SLC12A2: variants seen among roughly 807,000 people sequenced by gnomAD.
The protein encoded by SLC12A2 is Na-K-2Cl cotransporter 1.
SLC12A2 carries 67 observed loss-of-function variants against 136.3 expected under a neutral mutation model. The observed-to-expected ratio is 0.49, with a 90% CI of 0.40 to 0.60. The LOEUF (loss-of-function observed/expected upper bound fraction) is 0.60. Among genes scored for constraint, SLC12A2 ranks in the 20% least tolerant of loss-of-function variants. The pLI is 0.00. For synonymous variants in SLC12A2, 619 were observed against 562.9 expected (o/e 1.10, Z -1.41); for missense variants, 1,322 against 1,534.7 (o/e 0.86, Z 2.32).
At chr5:128,175,675 G>A (rs1247776934) in intron 20 of SLC12A2, among the ~76,000 whole-genome samples, 1 of 151,788 alleles carries the variant, frequency 6.6e-6, no homozygotes, top group African/African-American at 2.4e-5. Context: ...ATTAATATAT[G>A]TTACGATCTT....
intron 1 of SLC12A2, among the ~76,000 whole-genome samples, chr5:128,096,845 G>T (rs1325442620): frequency 6.6e-6 from 1 of 151,964 alleles, no homozygotes; most frequent in Non-Finnish European, 1.5e-5. Context: ...CATAATAAAC[G>T]GCTTTGTGGT....
intron 1 of SLC12A2, among the ~76,000 whole-genome samples, chr5:128,103,598 A>G (rs1322620615): frequency 1.3e-5 from 2 of 152,236 alleles, no homozygotes; most frequent in Admixed American, 6.5e-5. Context: ...ATAATTACAG[A>G]GTATGATATG....
At chr5:128,156,078 T>A (rs1427300172) in intron 15 of SLC12A2, among the ~76,000 whole-genome samples, 4 of 152,114 alleles carry the variant, frequency 2.6e-5, no homozygotes, top group Non-Finnish European at 5.9e-5. Flanking sequence ...TGGCAATGAT[T>A]TAGTGATGGA....
chr5:128,140,736 T>C (rs924082053), intron 9 of SLC12A2, among the ~76,000 whole-genome samples: 1 of 151,858 alleles, frequency 6.6e-6, no homozygotes, highest in Non-Finnish European at 1.5e-5. Flanking sequence ...ACTATCAGAA[T>C]ACAAAGCACA....
At chr5:128,113,960 C>A (rs1761251107) in intron 2 of SLC12A2, among the ~76,000 whole-genome samples, 1 of 152,158 alleles carries the variant, frequency 6.6e-6, no homozygotes, top group African/African-American at 2.4e-5. Flanking sequence ...CTGCTTCACA[C>A]AATTGTGATG....
chr5:128,120,220 A>G (rs1171112036), intron 4 of SLC12A2, among the ~76,000 whole-genome samples: 3 of 151,636 alleles, frequency 2.0e-5, no homozygotes, highest in Non-Finnish European at 4.4e-5. Context: ...CAGGTGCTGG[A>G]GAGGATGTGG....
At chr5:128,127,040 TTATCGTTTCTGTCGAATTTTACTTGCTA>T (rs1761837979) in intron 4 of SLC12A2, among the ~76,000 whole-genome samples, 1 of 137,768 alleles carries the variant, frequency 7.3e-6, no homozygotes, top group Admixed American at 7.7e-5. Flanking sequence ...GTCAGAGATA[TTATCGTTTCTGTCGAATTTTACTTGCTA>T]ATAGTTTAAC....
chr5:128,169,409 A>G (rs1209460531), intron 18 of SLC12A2: 3 of 152,174 alleles, frequency 2.0e-5, no homozygotes, highest in African/African-American at 7.2e-5. Context: ...TGGTTTTATT[A>G]GTGACATTTG....
At chr5:128,181,925 T>C (rs1333131547) in intron 23 of SLC12A2, among the ~76,000 whole-genome samples, 5 of 151,790 alleles carry the variant, frequency 3.3e-5, no homozygotes, top group African/African-American at 7.3e-5. Flanking sequence ...GCCTTTCCTA[T>C]TTTCCCCCCA....
chr5:128,085,925 A>G (rs1358176558), intron 1 of SLC12A2, among the ~76,000 whole-genome samples: 6 of 152,150 alleles, frequency 3.9e-5, no homozygotes. Context: ...CCATTGTGGT[A>G]TTTTGTCATA....
In SLC12A2 at chr5:128,189,369, G is replaced by A. The variant is rs1763973896; in HGVS notation, c.*2738G>A. On this transcript the variant is annotated 3_prime_UTR_variant, in exon 27 of 27. Coordinates refer to ENST00000262461, the MANE Select transcript of SLC12A2 (RefSeq NM_001046.3). ...AGTTTAGAGAGAATGGTGGTGTTGA[G>A]CTGATTATTAACAGTTACTGAAATC... 1 of 152,086 alleles carries A rather than the reference G, an allele frequency of 6.6e-6. No individual in the cohort carries two copies. Among genetic ancestry groups the A allele is most frequent in the Admixed American group, 6.5e-5 (1 of 15,274 alleles). The allele number at this position is 152,086 out of a possible 1,614,324, so 9.4% of individuals were successfully genotyped here. A position where few individuals can be genotyped will look rare whatever the true frequency, so the allele number is the denominator to read the frequency against.
intron 9 of SLC12A2, among the ~76,000 whole-genome samples, chr5:128,139,791 T>C (rs1762301969): frequency 6.6e-6 from 1 of 152,206 alleles, no homozygotes; most frequent in Non-Finnish European, 1.5e-5. Flanking sequence ...TCCAAGCCCA[T>C]AGGCTACACA....
intron 7 of SLC12A2, among the ~76,000 whole-genome samples, chr5:128,136,318 G>A (rs998127943): frequency 4.6e-5 from 7 of 152,102 alleles, no homozygotes; most frequent in Non-Finnish European, 7.4e-5. Flanking sequence ...TAAGTGAACC[G>A]TGTCTCCTTC....
chr5:128,157,867 C>T, intron 15 of SLC12A2, 186 bp from the exon 16 acceptor site: 1 of 512,572 alleles, frequency 2.0e-6, no homozygotes, highest in South Asian at 3.3e-5. Context: ...ATGTTTGTTC[C>T]AAGATTTTGT....
rs1055755542 is a variant in SLC12A2, at chr5:128,083,978, C to T, written c.24C>T (p.Pro8=). The T allele has an allele frequency of 1.6e-6, 2 of 1,242,040 alleles. No individual in the cohort carries two copies. Among genetic ancestry groups the T allele is most frequent in the Non-Finnish European group, 2.0e-6 (2 of 993,408 alleles). The allele number at this position is 1,242,040 out of a possible 1,614,324, so 76.9% of individuals were successfully genotyped here. A position where few individuals can be genotyped will look rare whatever the true frequency, so the allele number is the denominator to read the frequency against. Residue 8 remains proline, a synonymous_variant, in exon 1 of 27, where the codon CCC becomes CCT. Transcript: ENST00000262461. MEPRPTA[P]SSGAPGLAGV... ...CTATGGAGCCGCGGCCCACGGCGCC[C>T]TCCTCCGGCGCCCCGGGACTGGCCG...
intron 19 of SLC12A2, among the ~76,000 whole-genome samples, chr5:128,172,717 C>G (rs978502718): frequency 6.6e-6 from 1 of 152,078 alleles, no homozygotes; most frequent in Non-Finnish European, 1.5e-5. Flanking sequence ...TCCCAGCATG[C>G]TGGGAGGCTG....
rs565322518 is a variant in SLC12A2 at position 128,130,514 on chromosome 5, CAA to C, written c.1049-533_1049-532del. 9.6e-4 allele frequency among the ~76,000 whole-genome samples: 78 copies of C among 81,460 alleles called. 1 individual carries two copies. Among genetic ancestry groups the C allele is most frequent in the Middle Eastern group, 6.9e-3 (1 of 144 alleles). The allele number at this position is 81,460 out of a possible 152,430, so 53.4% of individuals were successfully genotyped here. Reference sequence around the variant, plus strand: ...TGGGTGACAGAGCAAGACTCTGTCTCAAAAAAAAAAAAAAAAAAAAAGTCCGG... The same window carrying C: ...TGGGTGACAGAGCAAGACTCTGTCTCAAAAAAAAAAAAAAAAAAAGTCCGG... On this transcript the variant is annotated intron_variant, in intron 4 of 26. Transcript: ENST00000262461.
intron 1 of SLC12A2, among the ~76,000 whole-genome samples, chr5:128,088,005 C>CTGTGTGTGTGTGTG (rs1561648714): frequency 9.1e-5 from 4 of 44,138 alleles, no homozygotes; most frequent in African/African-American, 1.7e-4. Context: ...GTGGAGGAGG[C>CTGTGTGTGTGTGTG]TCTGTGTGTG....
intron 19 of SLC12A2, among the ~76,000 whole-genome samples, chr5:128,173,154 CTG>C (rs1281020653): frequency 2.6e-5 from 4 of 152,274 alleles, no homozygotes; most frequent in African/African-American, 7.2e-5. Flanking sequence ...TGTATTTAAA[CTG>C]TTTTAATCTT....
Sources: allele counts gnomAD v4.1 joint callset (sites outside exome capture counted in the v4.1 genomes callset), GRCh38; gene constraint gnomAD v4.1.1; transcripts MANE v1.5; gene names NCBI Gene and HGNC (gene_info 2026-07-23, HGNC 2026-07-21).